The following TOPORS variants were observed in gnomAD, a reference collection of about 807,000 sequenced individuals.
The protein encoded by TOPORS is E3 ubiquitin-protein ligase Topors.
TOPORS carries 25 observed loss-of-function variants against 81.4 expected under a neutral mutation model. The observed-to-expected ratio is 0.31, with a 90% CI of 0.22 to 0.43. The LOEUF is 0.43. Among genes scored for constraint, TOPORS ranks in the 20% least tolerant of loss-of-function variants. The pLI is 1.00. For synonymous variants in TOPORS, 473 were observed against 456.6 expected (o/e 1.04, Z -0.46); for missense variants, 1,101 against 1,267.0 (o/e 0.87, Z 1.99).
chr9:32,545,923 TAACA>T (rs1821135047), intron 2 of TOPORS, among the ~76,000 whole-genome samples: 1 of 152,162 alleles, frequency 6.6e-6, no homozygotes, highest in Non-Finnish European at 1.5e-5. Context: ...TCATTGGCCT[TAACA>T]AACTATAAGA....
In TOPORS at chr9:32,542,298, A is replaced by G. The variant is rs1384075329; in HGVS notation, c.2227T>C (p.Ser743Pro). The part of the protein sequence containing the change: ...QSSSPEFRVQ[S>P]FSERTNARKK... ...CTAGCATTTGTTCTTTCAGAAAAGGACTGAACTCTAAATTCTGGACTTGAA... is the reference window on the plus strand; with the variant it reads ...CTAGCATTTGTTCTTTCAGAAAAGGGCTGAACTCTAAATTCTGGACTTGAA... The change falls in exon 3 of 3, where the codon TCC becomes CCC. Residue 743 changes from serine to proline, a missense_variant. Physicochemically the swap from Ser to Pro is moderately conservative, Grantham distance 74 (BLOSUM62 -1). Transcript: ENST00000360538. 4 of 1,614,150 alleles carry G rather than the reference A, an allele frequency of 2.5e-6. No individual in the cohort carries two copies. The highest frequency in any genetic ancestry group is 2.5e-6 in the Non-Finnish European group (3 of 1,180,032).
chr9:32,542,890 T>C lies in TOPORS; in HGVS notation c.1635A>G (p.Ile545Met). 3 of 1,614,172 alleles carry C rather than the reference T, an allele frequency of 1.9e-6. No individual in the cohort carries two copies. The highest frequency in any genetic ancestry group is 1.7e-6 in the Non-Finnish European group (2 of 1,180,028). ...PHSVLGKDEQ[I>M]NKGHCDSSTR... The stretch of plus-strand genomic sequence containing the variant: ...TACTAGAATCACAATGACCTTTATT[T>C]ATTTGTTCATCCTTTCCAAGGACAG... Residue 545 changes from isoleucine (I) to methionine (M), a missense_variant, in exon 3 of 3, where the codon ATA becomes ATG. Around this residue, in one of 9 missense-constraint regions of TOPORS, gnomAD observed 605 missense variants for 636.1 expected, o/e 0.95. Transcript: ENST00000360538.
chr9:32,551,051 A>C lies in TOPORS; in HGVS notation c.4-83T>G. ...CCCACCCCCCAGCTCCCGCGCATCA[A>C]AACACAACACCCGCCTTCCTCACGC... On this transcript the variant is annotated intron_variant, in intron 1 of 2. Transcript: ENST00000360538. The C allele has an allele frequency of 2.0e-6, 3 of 1,481,864 alleles. No individual in the cohort carries two copies. In the South Asian group the frequency reaches 3.5e-5, roughly 17 times the overall value. 91.8% of individuals were successfully genotyped at this position (1,481,864 alleles called of 1,614,324 possible).
In TOPORS at chr9:32,542,155, T is replaced by C. The variant is rs1354281313; in HGVS notation, c.2370A>G (p.Glu790=). ...TGTATTTTCGTTTCCCTCCAGGCTT[T>C]TCATTTCTCACCCGGTCAGTCCCGG... The part of the protein sequence containing the change: ...ASTGTDRVRN[E]KPGGKRKYKT... The change falls in exon 3 of 3, where the codon GAA becomes GAG. Residue 790 remains glutamate, a synonymous_variant. Transcript: ENST00000360538. 6.2e-7 allele frequency: 1 copy of C among 1,614,058 alleles called. No homozygotes were observed. Among genetic ancestry groups the C allele is most frequent in the Non-Finnish European group, 8.5e-7 (1 of 1,180,038 alleles).
rs1490015243 is a variant in TOPORS at position 32,541,889 on chromosome 9, G to A, written c.2636C>T (p.Thr879Ile). 1.2e-6 allele frequency: 2 copies of A among 1,613,838 alleles called. No homozygotes were observed. Among genetic ancestry groups the A allele is most frequent in the Non-Finnish European group, 8.5e-7 (1 of 1,180,012 alleles). Residue 879 changes from threonine (T) to isoleucine (I), a missense_variant, in exon 3 of 3, where the codon ACT (threonine) becomes ATT (isoleucine). Thr to Ile is a moderately conservative substitution (Grantham distance 89). Transcript: ENST00000360538. ...CTTCTTTTTCTTTTTATGGTGTTTAGTTGTATCAGTAGCTTTTCCTTCATA... is the reference window on the plus strand; with the variant it reads ...CTTCTTTTTCTTTTTATGGTGTTTAATTGTATCAGTAGCTTTTCCTTCATA... The part of the protein sequence containing the change: ...IVYEGKATDT[T>I]KHHKKKKKKH...
rs763907340 is a variant in TOPORS at position 32,550,958 on chromosome 9, G to A, written c.14C>T (p.Pro5Leu). ...GCGAGACAGCGGAGACCCCAGCGGC[G>A]GCTGCGACCCCTGTGACGCAAAGGG... MGSQ[P>L]PLGSPLSREE... The change falls in exon 2 of 3, where the codon CCG becomes CTG. Residue 5 changes from proline to leucine, a missense_variant. Physicochemically the swap from Pro to Leu is moderately conservative, Grantham distance 98. Coordinates refer to ENST00000360538, the MANE Select transcript of TOPORS (RefSeq NM_005802.5). The A allele has an allele frequency of 6.2e-7, 1 of 1,610,954 alleles. No individual in the cohort carries two copies. Among genetic ancestry groups the A allele is most frequent in the African/African-American group, 1.3e-5 (1 of 74,934 alleles).
intron 1 of TOPORS, chr9:32,551,795 T>C (rs1008017197): frequency 2.2e-6 from 1 of 453,190 alleles, no homozygotes; most frequent in Non-Finnish European, 4.4e-6. Context: ...GCTTGACTGA[T>C]ACATTATGGC....
At chr9:32,544,411 G>A in intron 2 of TOPORS, 85 bp from the exon 3 acceptor site, 1 of 1,390,538 alleles carries the variant, frequency 7.2e-7, no homozygotes, top group East Asian at 2.3e-5. Flanking sequence ...TAAAGACCTT[G>A]AAACTTATTT....
At chr9:32,545,594 C>G (rs1202837795) in intron 2 of TOPORS, among the ~76,000 whole-genome samples, 2 of 151,800 alleles carry the variant, frequency 1.3e-5, no homozygotes, top group African/African-American at 4.8e-5. Context: ...AACCTTGTCT[C>G]TACTAAGAAT....
intron 2 of TOPORS, among the ~76,000 whole-genome samples, chr9:32,549,340 C>G (rs1412274420): frequency 6.6e-6 from 1 of 152,136 alleles, no homozygotes; most frequent in Non-Finnish European, 1.5e-5. Context: ...CAAAAGTCAT[C>G]TATGGCATAC....
intron 2 of TOPORS, among the ~76,000 whole-genome samples, chr9:32,550,537 C>A (rs1228959358): frequency 6.6e-6 from 1 of 152,232 alleles, no homozygotes; most frequent in Non-Finnish European, 1.5e-5. Context: ...TTCCAGTACA[C>A]GGCCAGGCTC....
Position 32,550,701 on chromosome 9 carries a change from C to T in TOPORS, c.198+73G>A, listed in dbSNP as rs1821223678. On this transcript the variant is annotated intron_variant, in intron 2 of 2. Coordinates refer to ENST00000360538, the MANE Select transcript of TOPORS (RefSeq NM_005802.5). ...ACCGCAACCCTCGGGTCCCGAGGCG[C>T]CGCTCCAGGCGGGAGCGCCAACTCC... is the stretch of plus-strand genomic sequence containing the variant. 7.7e-6 allele frequency: 12 copies of T among 1,568,416 alleles called. No homozygotes were observed. The Admixed American group carries it at 1.5e-4, about 20-fold the overall frequency.
In TOPORS at chr9:32,550,824, G is replaced by A. The variant is rs1358934402; in HGVS notation, c.148C>T (p.Arg50Trp). 2.5e-6 allele frequency: 4 copies of A among 1,612,774 alleles called. No individual in the cohort carries two copies. Among genetic ancestry groups the A allele is most frequent in the Non-Finnish European group, 3.4e-6 (4 of 1,179,716 alleles). Residue 50 changes from arginine to tryptophan, a missense_variant, in exon 2 of 3, where the codon CGG (arginine) becomes TGG (tryptophan). By Grantham distance (101) the Arg-to-Trp change is moderately radical. This residue lies in a region of TOPORS where 131 missense variants were observed against 101.0 expected (regional missense o/e 1.30). Coordinates refer to ENST00000360538, the MANE Select transcript of TOPORS (RefSeq NM_005802.5). ...GCTGGGGCGCTCGCCGCGAGCTCCCGGCAGCCCAGAAAGCTAGGTCGGTGT... is the reference window on the plus strand; with the variant it reads ...GCTGGGGCGCTCGCCGCGAGCTCCCAGCAGCCCAGAAAGCTAGGTCGGTGT... ...CRHRPSFLGC[R>W]ELAASAPARP...
In TOPORS at chr9:32,542,898, C is replaced by G; in HGVS notation, c.1627G>C (p.Glu543Gln). 1 of 1,614,088 alleles carries G rather than the reference C, an allele frequency of 6.2e-7. No individual in the cohort carries two copies. Among genetic ancestry groups the G allele is most frequent in the Non-Finnish European group, 8.5e-7 (1 of 1,180,010 alleles). ...TCACAATGACCTTTATTTATTTGTT[C>G]ATCCTTTCCAAGGACAGAGTGTGGA... The part of the protein sequence containing the change: ...SSPHSVLGKD[E>Q]QINKGHCDSS... Residue 543 changes from glutamate (E) to glutamine (Q), a missense_variant, in exon 3 of 3, where the codon GAA becomes CAA. By Grantham distance (29) the Glu-to-Gln change is conservative. This residue lies in a region of TOPORS where 605 missense variants were observed against 636.1 expected (regional missense o/e 0.95). Transcript: ENST00000360538.
intron 2 of TOPORS, among the ~76,000 whole-genome samples, chr9:32,545,097 T>C (rs1296187152): frequency 6.6e-6 from 1 of 152,226 alleles, no homozygotes; most frequent in African/African-American, 2.4e-5. Context: ...TTAGTGAAGA[T>C]TAAATAATAA....
At chr9:32,551,351 T>A (rs41274001) in intron 1 of TOPORS, 8,161 of 362,300 alleles carry the variant, frequency 0.023, 143 homozygotes, top group Middle Eastern at 0.052. Flanking sequence ...TTAGATGGAC[T>A]TGAAGTCTCT....
chr9:32,543,146 C>T lies in TOPORS; in HGVS notation c.1379G>A (p.Gly460Glu). ...ATTTAGGTCGTCATTGGTTTGTACT[C>T]CTTGTATCTGAGACGTGGCTCCTCC... ...VTGGATSQIQ[G>E]VQTNDDLNND... Residue 460 changes from glycine to glutamate, a missense_variant, in exon 3 of 3, where the codon GGA becomes GAA. Gly to Glu is a moderately conservative substitution (Grantham distance 98). Transcript: ENST00000360538. This position sits in a 1 kb window ranked among gnomAD's most constrained non-coding sequence, Gnocchi z 5.6. The T allele has an allele frequency of 6.2e-7, 1 of 1,614,066 alleles. No individual in the cohort carries two copies.
In TOPORS at chr9:32,542,798, G is replaced by A; in HGVS notation, c.1727C>T (p.Ser576Leu). The part of the protein sequence containing the change: ...TSLSSPRNLN[S>L]SVRGDRVYSP... ...ATATACTCTGTCTCCTCTTACAGAT[G>A]AGTTCAGGTTTCTGGGAGATGACAA... Residue 576 changes from serine (S) to leucine (L), a missense_variant, in exon 3 of 3, where the codon TCA becomes TTA. By Grantham distance (145) the Ser-to-Leu change is moderately radical. This residue lies in a region of TOPORS where 605 missense variants were observed against 636.1 expected (regional missense o/e 0.95). Coordinates refer to ENST00000360538, the MANE Select transcript of TOPORS (RefSeq NM_005802.5). The A allele has an allele frequency of 1.2e-6, 2 of 1,614,018 alleles. No homozygotes were observed. The highest frequency in any genetic ancestry group is 8.5e-7 in the Non-Finnish European group (1 of 1,180,018).
At chr9:32,551,907 T>C (rs1321464982) in intron 1 of TOPORS, 1 of 355,678 alleles carries the variant, frequency 2.8e-6, no homozygotes, top group Non-Finnish European at 6.0e-6. Flanking sequence ...ATTTGTCACA[T>C]ATAAAAGAGT....
Sources: gnomAD v4.1 joint callset for allele counts (sites outside exome capture counted in the v4.1 genomes callset) on GRCh38, gnomAD v4.1.1 for gene constraint, gnomAD v4.1.1 regional missense constraint, Gnocchi (gnomAD v3.1) non-coding constraint, MANE v1.5 for transcripts, NCBI Gene and HGNC (gene_info 2026-07-23, HGNC 2026-07-21) for gene names.